PUS7L: variants seen among roughly 807,000 people sequenced by gnomAD.
PUS7L encodes pseudouridine synthase 7 like.
Under a neutral mutation model 51.1 loss-of-function variants are expected in PUS7L, and 49 were observed. That is an observed-to-expected ratio of 0.96 (90% CI 0.76 to 1.22). The LOEUF (loss-of-function observed/expected upper bound fraction) is 1.22. PUS7L is among the 50% of genes most tolerant of loss of function. The pLI is 0.00. For missense variants in PUS7L, 828 were observed against 820.6 expected, an observed-to-expected ratio of 1.01 and a Z score of -0.11; for synonymous variants, 277 against 276.2, an observed-to-expected ratio of 1.00 and a Z score of -0.03.
chr12:43,754,956 C>T lies in PUS7L; in HGVS notation c.290G>A (p.Gly97Asp), dbSNP rs750353379. The T allele has an allele frequency of 1.2e-6, 2 of 1,613,594 alleles. No individual in the cohort carries two copies. Among genetic ancestry groups the T allele is most frequent in the African/African-American group, 2.7e-5 (2 of 74,912 alleles). Residue 97 changes from glycine (G) to aspartate (D), a missense_variant, in exon 2 of 9, where the codon GGT becomes GAT. Coordinates refer to ENST00000344862, the MANE Select transcript of PUS7L (RefSeq NM_031292.5). ...EVHTLIKYTD[G>D]DQNHQSGSEK... ...TGAACCAGACTGATGATTTTGGTCA[C>T]CATCAGTGTACTTAATCAAAGTATG...
rs537889488 is a variant in PUS7L at position 43,725,822 on chromosome 12, A to G, written c.*4554T>C. On this transcript the variant is annotated 3_prime_UTR_variant, in exon 9 of 9. Transcript: ENST00000344862. Reference sequence around the variant, plus strand: ...TTGACCTTGATTAGGTTAGTAAACTACTCAGGTATGTTTCCAATCTGCAAA... The same window carrying G: ...TTGACCTTGATTAGGTTAGTAAACTGCTCAGGTATGTTTCCAATCTGCAAA... 1.3e-5 allele frequency: 2 copies of G among 152,286 alleles called. No individual in the cohort carries two copies. Among genetic ancestry groups the G allele is most frequent in the Non-Finnish European group, 2.9e-5 (2 of 68,024 alleles). The allele number at this position is 152,286 out of a possible 1,614,324, so 9.4% of individuals were successfully genotyped here.
In PUS7L at chr12:43,738,309, C is replaced by T; in HGVS notation, c.1444+1G>A. 1 of 1,494,980 alleles carries T rather than the reference C, an allele frequency of 6.7e-7. No homozygotes were observed. 92.6% of individuals were successfully genotyped at this position (1,494,980 alleles called of 1,614,324 possible). On this transcript the variant is annotated splice_donor_variant, in intron 6 of 8. Coordinates refer to ENST00000344862, the MANE Select transcript of PUS7L (RefSeq NM_031292.5). LOFTEE classifies it high-confidence loss of function. ...TGTACAGGATAAAGAAACGTAAATACCAGTTTGAAGAAAATACTTCTTTGC... is the reference window on the plus strand; with the variant it reads ...TGTACAGGATAAAGAAACGTAAATATCAGTTTGAAGAAAATACTTCTTTGC...
In PUS7L at chr12:43,719,349, A is replaced by G. The variant is rs1944369303; in HGVS notation, c.*11027T>C. 1 of 152,204 alleles carries G rather than the reference A, an allele frequency of 6.6e-6. No homozygotes were observed. Among genetic ancestry groups the G allele is most frequent in the Non-Finnish European group, 1.5e-5 (1 of 68,026 alleles). 9.4% of individuals were successfully genotyped at this position (152,204 alleles called of 1,614,324 possible). ...TACATGGGTGGTAAAGCTATCAAGAAAAGTAAGAAAAGTATTATAAAAGTT... is the reference window on the plus strand; with the variant it reads ...TACATGGGTGGTAAAGCTATCAAGAGAAGTAAGAAAAGTATTATAAAAGTT... On this transcript the variant is annotated 3_prime_UTR_variant, in exon 9 of 9. Coordinates refer to ENST00000344862, the MANE Select transcript of PUS7L (RefSeq NM_031292.5).
chr12:43,745,760 ATC>A (rs1402007855), intron 4 of PUS7L, among the ~76,000 whole-genome samples: 1 of 152,086 alleles, frequency 6.6e-6, no homozygotes, highest in Non-Finnish European at 1.5e-5. Flanking sequence ...CTTAAAAAAA[ATC>A]TCTCTTATGA....
rs746185466 is a variant in PUS7L, at chr12:43,728,956, T to A, written c.*1420A>T. The A allele has an allele frequency of 3.2e-6, 1 of 309,310 alleles. No homozygotes were observed. Among genetic ancestry groups the A allele is most frequent in the Non-Finnish European group, 5.9e-6 (1 of 169,228 alleles). The allele number at this position is 309,310 out of a possible 1,614,324, so 19.2% of individuals were successfully genotyped here. A position where few individuals can be genotyped will look rare whatever the true frequency, so the allele number is the denominator to read the frequency against. On this transcript the variant is annotated 3_prime_UTR_variant, in exon 9 of 9. Coordinates refer to ENST00000344862, the MANE Select transcript of PUS7L (RefSeq NM_031292.5). ...AGTGCCAGGGTTCAAACTGGGTTAG[T>A]TTGTCTCCAATATCTGTGCTTTTAA...
intron 7 of PUS7L, among the ~76,000 whole-genome samples, chr12:43,733,522 G>C (rs1353831718): frequency 2.6e-5 from 4 of 152,134 alleles, no homozygotes. Context: ...CAAAAAGAAA[G>C]CAGCTAAAAT....
chr12:43,741,577 T>A (rs1937899470), intron 5 of PUS7L, among the ~76,000 whole-genome samples: 1 of 152,240 alleles, frequency 6.6e-6, no homozygotes, highest in Non-Finnish European at 1.5e-5. Flanking sequence ...ACAAGTTAAT[T>A]TTCAGAGTTT....
intron 6 of PUS7L, among the ~76,000 whole-genome samples, chr12:43,737,074 A>AT (rs1039468573): frequency 5.3e-5 from 8 of 152,228 alleles, no homozygotes; most frequent in South Asian, 2.1e-4. Flanking sequence ...TAAACACAGA[A>AT]TTTTTTTACT....
chr12:43,749,057 C>T (rs1938315686), intron 2 of PUS7L, among the ~76,000 whole-genome samples: 1 of 152,198 alleles, frequency 6.6e-6, no homozygotes, highest in Non-Finnish European at 1.5e-5. Flanking sequence ...ATAAAATCAG[C>T]ATGATAGATT....
At position 43,730,486 on chromosome 12, in the gene PUS7L, T is replaced by A; in HGVS notation, c.1996A>T (p.Lys666Ter). The change falls in exon 9 of 9, where the codon AAA becomes TAA. Residue 666 changes from lysine (K) to a stop codon, truncating the protein, a stop_gained. Coordinates refer to ENST00000344862, the MANE Select transcript of PUS7L (RefSeq NM_031292.5). LOFTEE classifies it high-confidence loss of function. ...GCTGTTTCATCAATGTGGGAACCTT[T>A]CGTTTTGACATCAATGTCATGATCT... is the stretch of plus-strand genomic sequence containing the variant. Reference protein sequence around the residue: ...MEDHDIDVKTKGSHIDETALS... With the variant: ...MEDHDIDVKT 8 of 1,613,874 alleles carry A rather than the reference T, an allele frequency of 5.0e-6. No individual in the cohort carries two copies. The highest frequency in any genetic ancestry group is 6.8e-6 in the Non-Finnish European group (8 of 1,179,820).
At chr12:43,743,495 G>A (rs1034776023) in intron 4 of PUS7L, among the ~76,000 whole-genome samples, 2 of 152,210 alleles carry the variant, frequency 1.3e-5, no homozygotes, top group Admixed American at 1.3e-4. Flanking sequence ...CAGGCTCAGT[G>A]GCTCACACCT....
intron 1 of PUS7L, 57 bp downstream of exon 1, chr12:43,758,662 CCCCCACACACA>C: frequency 2.9e-5 from 22 of 765,762 alleles, no homozygotes; most frequent in South Asian, 7.0e-5. Flanking sequence ...TCACCCCCCC[CCCCCACACACA>C]CACACACACA....
intron 7 of PUS7L, among the ~76,000 whole-genome samples, chr12:43,733,765 TGA>T (rs1328161995): frequency 2.0e-5 from 3 of 151,966 alleles, no homozygotes; most frequent in Middle Eastern, 3.4e-3. Flanking sequence ...AGGGGATCAT[TGA>T]CATATCTCTT....
At chr12:43,742,368 T>C in intron 5 of PUS7L, 89 bp downstream of exon 5, 1 of 847,560 alleles carries the variant, frequency 1.2e-6, no homozygotes, top group Non-Finnish European at 1.9e-6. Context: ...CATGCATTTA[T>C]ATGCTAGAGT....
At position 43,730,295 on chromosome 12, in the gene PUS7L, C is replaced by G; in HGVS notation, c.*81G>C. 1.1e-6 allele frequency: 1 copy of G among 947,678 alleles called. No individual in the cohort carries two copies. Among genetic ancestry groups the G allele is most frequent in the Non-Finnish European group, 1.6e-6 (1 of 622,546 alleles). 58.7% of individuals were successfully genotyped at this position (947,678 alleles called of 1,614,324 possible). A position where few individuals can be genotyped will look rare whatever the true frequency, so the allele number is the denominator to read the frequency against. On this transcript the variant is annotated 3_prime_UTR_variant, in exon 9 of 9. Coordinates refer to ENST00000344862, the MANE Select transcript of PUS7L (RefSeq NM_031292.5). ...GAGATAACAATTATGAAGTTCCTAA[C>G]ACATGGAAGGTGCTTAAGACATTTT...
In PUS7L at chr12:43,724,080, C is replaced by A. The variant is rs1409028959; in HGVS notation, c.*6296G>T. The A allele has an allele frequency of 1.3e-5, 2 of 152,002 alleles. No homozygotes were observed. Among genetic ancestry groups the A allele is most frequent in the Admixed American group, 6.6e-5 (1 of 15,262 alleles). The allele number at this position is 152,002 out of a possible 1,614,324, so 9.4% of individuals were successfully genotyped here. A position where few individuals can be genotyped will look rare whatever the true frequency, so the allele number is the denominator to read the frequency against. ...GGAGGAAAAAAGTCCCATTTTCCTA[C>A]CTCCCCATATCTTCCTCCAACCTCT... On this transcript the variant is annotated 3_prime_UTR_variant, in exon 9 of 9. Coordinates refer to ENST00000344862, the MANE Select transcript of PUS7L (RefSeq NM_031292.5).
intron 1 of PUS7L, 44 bp downstream of exon 1, chr12:43,758,686 C>G (rs1592195143): frequency 1.2e-6 from 1 of 835,622 alleles, no homozygotes; most frequent in Non-Finnish European, 1.4e-6. Flanking sequence ...CACACACACA[C>G]ACATACAAGC....
At position 43,730,163 on chromosome 12, in the gene PUS7L, A is replaced by G; in HGVS notation, c.*213T>C. On this transcript the variant is annotated 3_prime_UTR_variant, in exon 9 of 9. Transcript: ENST00000344862. ...GAAACATATAATAGAAAAAAAACAC[A>G]GGCTTTGGGGTCACATGGACCTTAA... The G allele has an allele frequency of 1.9e-6, 1 of 514,838 alleles. No individual in the cohort carries two copies. The highest frequency in any genetic ancestry group is 3.4e-6 in the Non-Finnish European group (1 of 289,964). 31.9% of individuals were successfully genotyped at this position (514,838 alleles called of 1,614,324 possible). A position where few individuals can be genotyped will look rare whatever the true frequency, so the allele number is the denominator to read the frequency against.
rs758273616 is a variant in PUS7L, at chr12:43,748,407, C to T, written c.1070+43G>A. 9.2e-6 allele frequency: 13 copies of T among 1,414,108 alleles called. No homozygotes were observed. The Admixed American group carries it at 1.6e-4, about 17-fold the overall frequency. The allele number at this position is 1,414,108 out of a possible 1,614,324, so 87.6% of individuals were successfully genotyped here. On this transcript the variant is annotated intron_variant, in intron 3 of 8. Coordinates refer to ENST00000344862, the MANE Select transcript of PUS7L (RefSeq NM_031292.5). ...CCATTTAGACAATTTAAATCTTCCA[C>T]TTCTCAAAGTTTCTATCCTAAAATT...
Sources: allele counts gnomAD v4.1 joint callset (sites outside exome capture counted in the v4.1 genomes callset), GRCh38; gene constraint gnomAD v4.1.1; transcripts MANE v1.5; gene names NCBI Gene and HGNC (gene_info 2026-07-23, HGNC 2026-07-21).